AGBL4: variants seen among roughly 807,000 people sequenced by gnomAD.
AGBL4 encodes the protein cytosolic carboxypeptidase 6.
A neutral mutation model predicts 66.4 loss-of-function variants in AGBL4; 58 were observed. The observed-to-expected ratio is 0.87, with a 90% CI of 0.71 to 1.09. The LOEUF (loss-of-function observed/expected upper bound fraction) is 1.09, where lower values mean the gene tolerates loss of function less well. Ranked by LOEUF, AGBL4 falls within the 50% of genes least tolerant of loss-of-function variation. The pLI, the probability that AGBL4 is intolerant of heterozygous loss-of-function variation, is 0.00. For missense variants in AGBL4, 579 were observed against 631.0 expected (o/e 0.92, Z 0.88); for synonymous variants, 234 against 222.9 (o/e 1.05, Z -0.44).
chr1:49,083,313 C>T (rs1385387633), intron 4 of AGBL4, among the ~76,000 whole-genome samples: 1 of 152,234 alleles, frequency 6.6e-6, no homozygotes, highest in Non-Finnish European at 1.5e-5. Flanking sequence ...CAGAGGGTCT[C>T]CATGAGGGTC....
chr1:49,355,823 A>G (rs1644007481), intron 3 of AGBL4, among the ~76,000 whole-genome samples: 1 of 152,154 alleles, frequency 6.6e-6, no homozygotes, highest in South Asian at 2.1e-4. Flanking sequence ...TTTTCATGTC[A>G]CTTCCTCATA....
chr1:49,625,706 G>A (rs1174514459), intron 3 of AGBL4, among the ~76,000 whole-genome samples: 1 of 152,150 alleles, frequency 6.6e-6, no homozygotes, highest in Admixed American at 6.5e-5. Context: ...AGAGAGCTGA[G>A]CTTTCAGAAA....
chr1:49,643,523 C>T (rs745684065), intron 3 of AGBL4, among the ~76,000 whole-genome samples: 38 of 150,942 alleles, frequency 2.5e-4, no homozygotes, highest in Non-Finnish European at 1.0e-4. Context: ...GAAAAAAACA[C>T]CAAAATATAT....
intron 4 of AGBL4, among the ~76,000 whole-genome samples, chr1:49,120,772 T>C (rs1213565079): frequency 3.9e-5 from 6 of 152,214 alleles, no homozygotes; most frequent in Non-Finnish European, 7.3e-5. Flanking sequence ...GTTGGGGAAG[T>C]TCTCCTGGGT....
chr1:49,999,023 A>G (rs1309527244), intron 1 of AGBL4, among the ~76,000 whole-genome samples: 2 of 152,172 alleles, frequency 1.3e-5, no homozygotes, highest in African/African-American at 4.8e-5. Flanking sequence ...AACTGGAACA[A>G]GACAAGGATG....
At chr1:49,164,388 G>A (rs954746152) in intron 4 of AGBL4, among the ~76,000 whole-genome samples, 5 of 152,112 alleles carry the variant, frequency 3.3e-5, no homozygotes, top group Non-Finnish European at 7.4e-5. Flanking sequence ...AGTAACTCGA[G>A]AGCAAGATTT....
intron 3 of AGBL4, among the ~76,000 whole-genome samples, chr1:49,510,595 C>T (rs1199133850): frequency 6.6e-6 from 1 of 151,048 alleles, no homozygotes; most frequent in East Asian, 1.9e-4. Context: ...TAATTAGATC[C>T]CATTTGTCAA....
At chr1:48,974,003 T>C (rs769786611) in intron 5 of AGBL4, among the ~76,000 whole-genome samples, 2 of 152,130 alleles carry the variant, frequency 1.3e-5, no homozygotes, top group Non-Finnish European at 2.9e-5. Context: ...TCAGGTGCTC[T>C]GAAAATCTGA....
intron 2 of AGBL4, among the ~76,000 whole-genome samples, chr1:49,793,064 G>A (rs1644641806): frequency 6.6e-6 from 1 of 151,924 alleles, no homozygotes; most frequent in Non-Finnish European, 1.5e-5. Context: ...AACAATGGAA[G>A]TCCATTACTC....
chr1:49,809,109 C>T (rs992341480), intron 2 of AGBL4, among the ~76,000 whole-genome samples: 55 of 152,112 alleles, frequency 3.6e-4, no homozygotes, highest in African/African-American at 1.3e-3. Context: ...TTATTGCAAT[C>T]GGTTTTCAAC....
intron 3 of AGBL4, among the ~76,000 whole-genome samples, chr1:49,329,819 A>G (rs946134213): frequency 5.3e-5 from 8 of 152,154 alleles, no homozygotes; most frequent in African/African-American, 1.9e-4. Flanking sequence ...AAATATACTG[A>G]CAGTTGGAAT....
chr1:48,913,704 T>C (rs1653347759), intron 5 of AGBL4, among the ~76,000 whole-genome samples: 1 of 152,206 alleles, frequency 6.6e-6, no homozygotes, highest in Non-Finnish European at 1.5e-5. Context: ...ACTTATTTCA[T>C]TACATGTTAC....
chr1:49,040,701 T>C (rs747817448), intron 5 of AGBL4, among the ~76,000 whole-genome samples: 11 of 152,094 alleles, frequency 7.2e-5, no homozygotes, highest in Non-Finnish European at 1.5e-4. Flanking sequence ...GCAAGACGCA[T>C]AAGATTCTGT....
At chr1:49,164,427 G>A (rs1341617587) in intron 4 of AGBL4, among the ~76,000 whole-genome samples, 1 of 152,066 alleles carries the variant, frequency 6.6e-6, no homozygotes, top group Non-Finnish European at 1.5e-5. Context: ...AAATGAATGA[G>A]GACCAGCTCT....
intron 3 of AGBL4, among the ~76,000 whole-genome samples, chr1:49,675,323 CA>C (rs1226261646): frequency 6.6e-6 from 1 of 151,342 alleles, no homozygotes; most frequent in East Asian, 1.9e-4. Flanking sequence ...ATAACAGAAA[CA>C]AAAAAATACT....
intron 3 of AGBL4, among the ~76,000 whole-genome samples, chr1:49,491,420 C>G (rs1261789474): frequency 6.6e-6 from 1 of 151,778 alleles, no homozygotes; most frequent in African/African-American, 2.4e-5. Flanking sequence ...TCTTCTCCCC[C>G]TCCTCAAAAG....
At chr1:49,895,201 A>AC (rs921552868) in intron 1 of AGBL4, among the ~76,000 whole-genome samples, 1 of 151,786 alleles carries the variant, frequency 6.6e-6, no homozygotes, top group African/African-American at 2.4e-5. Flanking sequence ...CAGTTTAAAA[A>AC]AAAAAAAAAA....
At chr1:49,949,982 A>G (rs1163619914) in intron 1 of AGBL4, among the ~76,000 whole-genome samples, 1 of 141,002 alleles carries the variant, frequency 7.1e-6, no homozygotes, top group African/African-American at 2.5e-5. Flanking sequence ...ATACACACAT[A>G]TGTATATATA....
chr1:49,479,606 C>T (rs1480532859), intron 3 of AGBL4, among the ~76,000 whole-genome samples: 2 of 151,878 alleles, frequency 1.3e-5, no homozygotes, highest in African/African-American at 4.8e-5. Context: ...GGTGTCCAGC[C>T]CCATCCATGT....
Sources: allele counts gnomAD v4.1 joint callset (sites outside exome capture counted in the v4.1 genomes callset), GRCh38; gene constraint gnomAD v4.1.1; transcripts MANE v1.5; gene names NCBI Gene and HGNC (gene_info 2026-07-23, HGNC 2026-07-21).